Variants in GSE1 observed in about 807,000 individuals in gnomAD.
GSE1 encodes the protein Gse1 coiled-coil protein.
A neutral mutation model predicts 112.6 loss-of-function variants in GSE1; 32 were observed. The ratio of observed to expected loss-of-function variants is 0.28; its 90% CI spans 0.21 to 0.38. GSE1 has a LOEUF of 0.38. GSE1 is among the 10% of genes least tolerant of loss of function. The probability of loss-of-function intolerance (pLI) is 1.00; values close to 1 mark genes in which losing one functional copy is unlikely to be tolerated. For synonymous variants in GSE1, 1,115 were observed against 735.6 expected (o/e 1.52, Z -8.35); for missense variants, 2,348 against 1,699.2 (o/e 1.38, Z -6.71).
chr16:85,266,658 C>T (rs1908275698), intron 1 of GSE1, among the ~76,000 whole-genome samples: 1 of 151,758 alleles, frequency 6.6e-6, no homozygotes, highest in East Asian at 1.9e-4. Flanking sequence ...CCCTACCTCT[C>T]CAGGGAGGGA....
chr16:85,470,540 ACT>A (rs1211182854), intron 2 of GSE1, among the ~76,000 whole-genome samples: 2 of 152,074 alleles, frequency 1.3e-5, no homozygotes, highest in Admixed American at 1.3e-4. Context: ...GGGGTGCTAA[ACT>A]CATCTCCCTG....
intron 2 of GSE1, among the ~76,000 whole-genome samples, chr16:85,384,820 G>A (rs1415450291): frequency 6.6e-6 from 1 of 152,226 alleles, no homozygotes; most frequent in Non-Finnish European, 1.5e-5. Context: ...CAGGATCCAG[G>A]AGGGAACACA....
chr16:85,535,930 C>T (rs377626235), intron 2 of GSE1, among the ~76,000 whole-genome samples: 3 of 152,250 alleles, frequency 2.0e-5, no homozygotes, highest in Admixed American at 6.5e-5. Flanking sequence ...GCTGTATACC[C>T]GGAAAGCATT....
At chr16:85,185,685 G>A (rs952223736) in intron 1 of GSE1, among the ~76,000 whole-genome samples, 19 of 152,248 alleles carry the variant, frequency 1.2e-4, no homozygotes, top group African/African-American at 4.6e-4. Context: ...CCCCGTGTCT[G>A]GCTCCCCTGG....
chr16:85,572,067 C>G lies in GSE1; in HGVS notation c.37+15704C>G, dbSNP rs576524149. 2.0e-4 allele frequency among the ~76,000 whole-genome samples: 31 copies of G among 151,362 alleles called. 1 individual carries two copies. The East Asian group carries it at 6.0e-3, about 29-fold the overall frequency. The stretch of plus-strand genomic sequence containing the variant: ...TACAACACATACCACACACCATACA[C>G]ACAACCACACCCCCCCACACCCCAC... On this transcript the variant is annotated intron_variant, in intron 1 of 2. Coordinates refer to the GSE1 transcript ENST00000635906.
chr16:85,233,502 A>G (rs1350641250), intron 1 of GSE1, among the ~76,000 whole-genome samples: 1 of 152,072 alleles, frequency 6.6e-6, no homozygotes, highest in South Asian at 2.1e-4. Context: ...ATATGCACAC[A>G]TGTGCCTGTG....
rs577245974 is a variant in GSE1 at position 85,655,238 on chromosome 16, G to A, written c.797+247G>A. On this transcript the variant is annotated intron_variant, in intron 5 of 15. Coordinates refer to ENST00000253458, the MANE Select transcript of GSE1 (RefSeq NM_014615.5). ...ATCCTTGGCTCCTCCCCTTCTCACC[G>A]GGGGGTCCATTGACAGCAAGTCACT... 4.6e-5 allele frequency among the ~76,000 whole-genome samples: 7 copies of A among 152,234 alleles called. No individual in the cohort carries two copies. In the South Asian group the frequency reaches 1.0e-3, roughly 23 times the overall value.
At chr16:85,216,360 C>T (rs952095064) in intron 1 of GSE1, among the ~76,000 whole-genome samples, 2 of 152,104 alleles carry the variant, frequency 1.3e-5, no homozygotes, top group Non-Finnish European at 2.9e-5. Context: ...GCTATGATCC[C>T]GGCACTCCAG....
intron 2 of GSE1, among the ~76,000 whole-genome samples, chr16:85,492,048 G>A (rs866749239): frequency 6.6e-6 from 1 of 152,184 alleles, no homozygotes; most frequent in Non-Finnish European, 1.5e-5. Context: ...CCCTGGACAC[G>A]GGCAGCCAGG....
intron 2 of GSE1, among the ~76,000 whole-genome samples, chr16:85,513,642 C>T (rs1215018821): frequency 6.6e-6 from 1 of 151,954 alleles, no homozygotes; most frequent in Non-Finnish European, 1.5e-5. Context: ...CAGGCCTCAC[C>T]CTCCTCCTCC....
intron 1 of GSE1, among the ~76,000 whole-genome samples, chr16:85,272,355 C>A (rs145308555): frequency 6.6e-6 from 1 of 152,232 alleles, no homozygotes; most frequent in East Asian, 1.9e-4. Flanking sequence ...TGGAGTGATT[C>A]TTTGGGCAAC....
At chr16:85,172,489 C>T (rs909031411) in intron 1 of GSE1, among the ~76,000 whole-genome samples, 2 of 152,214 alleles carry the variant, frequency 1.3e-5, no homozygotes, top group African/African-American at 4.8e-5. Flanking sequence ...GTTTATAAGG[C>T]GCCTGCCTTC....
At chr16:85,294,530 C>T (rs775898565) in intron 1 of GSE1, among the ~76,000 whole-genome samples, 1 of 151,928 alleles carries the variant, frequency 6.6e-6, no homozygotes, top group Non-Finnish European at 1.5e-5. Context: ...TGGTGCCTGA[C>T]AGTTTCTCAA....
chr16:85,459,307 C>A (rs1177788859), intron 2 of GSE1, among the ~76,000 whole-genome samples: 1 of 152,196 alleles, frequency 6.6e-6, no homozygotes, highest in African/African-American at 2.4e-5. Context: ...CCATATGGCT[C>A]CTTTGTGCAA....
At chr16:85,183,865 A>C (rs1280894401) in intron 1 of GSE1, among the ~76,000 whole-genome samples, 3 of 152,346 alleles carry the variant, frequency 2.0e-5, no homozygotes. Context: ...TCTGGCTCTC[A>C]GATACCACCC....
chr16:85,326,015 G>A (rs1258211593), intron 1 of GSE1, among the ~76,000 whole-genome samples: 1 of 152,162 alleles, frequency 6.6e-6, no homozygotes, highest in African/African-American at 2.4e-5. Flanking sequence ...CCAAAGTGCT[G>A]GGATTACAGG....
At chr16:85,178,028 C>T (rs2074503509) in intron 1 of GSE1, among the ~76,000 whole-genome samples, 1 of 152,308 alleles carries the variant, frequency 6.6e-6, no homozygotes, top group Non-Finnish European at 1.5e-5. Flanking sequence ...GCTCTGGGCA[C>T]CTGCTATGAC....
rs76586057 is a variant in GSE1, at chr16:85,379,734, C to T, written c.2464+22091C>T. Among the ~76,000 whole-genome samples the T allele has an allele frequency of 4.8e-3, 728 of 152,350 alleles. 9 individuals carry two copies. Among genetic ancestry groups the T allele is most frequent in the Admixed American group, 0.035 (534 of 15,308 alleles). On this transcript the variant is annotated intron_variant, in intron 2 of 2. Transcript: ENST00000637419. ...GAGTCCCGGAGTCCCCTCAGCCTGG[C>T]TGTGCACTTCCTTTGCTACTGGATC...
chr16:85,670,108 G>A (rs773571299), intron 14 of GSE1, among the ~76,000 whole-genome samples: 2 of 152,210 alleles, frequency 1.3e-5, no homozygotes, highest in African/African-American at 2.4e-5. Flanking sequence ...ATTTTTGGAC[G>A]TGAAGTTTTG....
Sources: allele counts gnomAD v4.1 joint callset (sites outside exome capture counted in the v4.1 genomes callset), GRCh38; gene constraint gnomAD v4.1.1; transcripts MANE v1.5; gene names NCBI Gene and HGNC (gene_info 2026-07-23, HGNC 2026-07-21).